The following CUL4A variants were observed in gnomAD, a reference collection of about 807,000 sequenced individuals.
The protein encoded by CUL4A is cullin-4A.
Under a neutral mutation model 95.5 loss-of-function variants are expected in CUL4A, and 16 were observed. The observed-to-expected ratio is 0.17, with a 90% confidence interval of 0.11 to 0.25. The LOEUF (loss-of-function observed/expected upper bound fraction) is 0.25, where lower values mean the gene tolerates loss of function less well. Ranked by LOEUF, CUL4A falls within the 10% of genes least tolerant of loss-of-function variation. CUL4A has a pLI of 1.00. For synonymous variants in CUL4A, 380 were observed against 353.1 expected (o/e 1.08, Z -0.85); for missense variants, 610 against 937.0 (o/e 0.65, Z 4.56).
At chr13:113,240,790 A>C (rs2041686440) in intron 10 of CUL4A, among the ~76,000 whole-genome samples, 1 of 152,114 alleles carries the variant, frequency 6.6e-6, no homozygotes, top group African/African-American at 2.4e-5. Flanking sequence ...CGAGGTCTAG[A>C]TGTGCACACC....
chr13:113,209,811 C>A (rs760451217), intron 1 of CUL4A, 36 bp downstream of exon 1: 1 of 1,164,414 alleles, frequency 8.6e-7, no homozygotes, highest in East Asian at 3.9e-5. Flanking sequence ...CCAGGCGCCC[C>A]GGGCGGGGAC....
intron 9 of CUL4A, among the ~76,000 whole-genome samples, chr13:113,237,449 G>A (rs2041583048): frequency 6.6e-6 from 1 of 152,236 alleles, no homozygotes; most frequent in African/African-American, 2.4e-5. Context: ...TCCCCAAGTG[G>A]TGGCAGTACC....
At chr13:113,242,439 G>T (rs866384402) in intron 10 of CUL4A, among the ~76,000 whole-genome samples, 2 of 152,116 alleles carry the variant, frequency 1.3e-5, no homozygotes, top group Non-Finnish European at 2.9e-5. Context: ...TTTTCCAGTC[G>T]TTTGTAAGTT....
At chr13:113,244,117 G>A (rs953625968) in intron 11 of CUL4A, 2 of 273,852 alleles carry the variant, frequency 7.3e-6, no homozygotes, top group Non-Finnish European at 1.4e-5. Flanking sequence ...CCTGAAACCT[G>A]AGCATGTATT....
In CUL4A at chr13:113,239,608, C is replaced by G. The variant is rs1264840183; in HGVS notation, c.1035+57C>G. The G allele has an allele frequency of 9.6e-6, 13 of 1,354,320 alleles. No homozygotes were observed. The South Asian group carries it at 1.6e-4, about 16-fold the overall frequency. 83.9% of individuals were successfully genotyped at this position (1,354,320 alleles called of 1,614,324 possible). A position where few individuals can be genotyped will look rare whatever the true frequency, so the allele number is the denominator to read the frequency against. ...GGCATTCCCTGCAGGGAGCAGAGCC[C>G]CTCCTGAGAACGCCTAGTGTGCCCT... is the stretch of plus-strand genomic sequence containing the variant. On this transcript the variant is annotated intron_variant, in intron 10 of 19. Coordinates refer to ENST00000375440, the MANE Select transcript of CUL4A (RefSeq NM_001008895.4).
intron 15 of CUL4A, among the ~76,000 whole-genome samples, chr13:113,251,171 A>G (rs1349237407): frequency 1.3e-5 from 2 of 152,102 alleles, no homozygotes; most frequent in African/African-American, 4.8e-5. Flanking sequence ...TGTGCTATAG[A>G]TGCTGGTAGA....
At chr13:113,252,361 C>G (rs2042016412) in intron 15 of CUL4A, among the ~76,000 whole-genome samples, 1 of 152,034 alleles carries the variant, frequency 6.6e-6, no homozygotes, top group Non-Finnish European at 1.5e-5. Flanking sequence ...CATGAGAAGA[C>G]CCATCTCTAC....
intron 2 of CUL4A, 91 bp downstream of exon 2, chr13:113,210,179 C>G (rs1261803452): frequency 3.7e-6 from 3 of 818,406 alleles, no homozygotes; most frequent in Non-Finnish European, 5.3e-6. Context: ...CGCAGGCTCT[C>G]GCCGGGGAGC....
chr13:113,208,797 T>G (rs1199149728), upstream of CUL4A: 11 of 1,417,588 alleles, frequency 7.8e-6, no homozygotes, highest in Non-Finnish European at 9.2e-6. Flanking sequence ...GGCGACGCGC[T>G]CGGGCTGAGG....
At chr13:113,231,383 C>T (rs887975682) in intron 5 of CUL4A, among the ~76,000 whole-genome samples, 7 of 152,240 alleles carry the variant, frequency 4.6e-5, no homozygotes, top group East Asian at 3.9e-4. Context: ...AGTTCAAAGC[C>T]GAGTATCTCC....
intron 9 of CUL4A, among the ~76,000 whole-genome samples, chr13:113,239,127 C>T (rs919362331): frequency 6.6e-6 from 1 of 152,154 alleles, no homozygotes; most frequent in Non-Finnish European, 1.5e-5. Context: ...ATGAACCTCC[C>T]AGGTTAAATA....
At chr13:113,229,409 A>G in intron 4 of CUL4A, 37 bp from the exon 5 acceptor site, 1 of 1,583,810 alleles carries the variant, frequency 6.3e-7, no homozygotes, top group Non-Finnish European at 8.7e-7. Flanking sequence ...TTGCTAGTAG[A>G]ATTCATAAGT....
chr13:113,208,848 G>T, upstream of CUL4A: 1 of 1,406,818 alleles, frequency 7.1e-7, no homozygotes, highest in Non-Finnish European at 9.2e-7. Flanking sequence ...CCTCTCAGCC[G>T]GGACGCCAGC....
At chr13:113,241,847 G>C (rs566061379) in intron 10 of CUL4A, among the ~76,000 whole-genome samples, 1 of 151,754 alleles carries the variant, frequency 6.6e-6, no homozygotes. Flanking sequence ...CAGCTACCTC[G>C]CGTGTGTGTG....
intron 19 of CUL4A, among the ~76,000 whole-genome samples, chr13:113,261,930 G>A (rs1051870289): frequency 3.3e-5 from 5 of 152,104 alleles, no homozygotes; most frequent in Admixed American, 6.5e-5. Context: ...ACAGGCACGC[G>A]CCACCACACC....
At chr13:113,233,576 C>T (rs1215813364) in intron 6 of CUL4A, among the ~76,000 whole-genome samples, 1 of 152,180 alleles carries the variant, frequency 6.6e-6, no homozygotes, top group African/African-American at 2.4e-5. Flanking sequence ...AATATCACTA[C>T]ATAAAATGCA....
At chr13:113,256,926 G>GTTTTTTTTTTTTTGT (rs2042138344) in intron 18 of CUL4A, among the ~76,000 whole-genome samples, 2 of 47,374 alleles carry the variant, frequency 4.2e-5, no homozygotes, top group Non-Finnish European at 7.2e-5. Context: ...TTTTTTTTTC[G>GTTTTTTTTTTTTTGT]TTTTTTTTTT....
chr13:113,223,676 C>T (rs2040988959), intron 3 of CUL4A, among the ~76,000 whole-genome samples: 2 of 152,164 alleles, frequency 1.3e-5, no homozygotes, highest in South Asian at 2.1e-4. Flanking sequence ...GGATTACAGG[C>T]GTGAGCCACC....
At chr13:113,224,900 C>G (rs915620475) in intron 3 of CUL4A, among the ~76,000 whole-genome samples, 1 of 152,222 alleles carries the variant, frequency 6.6e-6, no homozygotes, top group African/African-American at 2.4e-5. Context: ...GGGCTGTCCC[C>G]TCGCGGTCTG....
Sources: gnomAD v4.1 joint callset for allele counts (sites outside exome capture counted in the v4.1 genomes callset) on GRCh38, gnomAD v4.1.1 for gene constraint, MANE v1.5 for transcripts, NCBI Gene and HGNC (gene_info 2026-07-23, HGNC 2026-07-21) for gene names.